MRPS28: variants seen among roughly 807,000 people sequenced by gnomAD.
The protein encoded by MRPS28 is mitochondrial ribosomal protein S28.
MRPS28 carries 7 observed loss-of-function variants against 10.8 expected under a neutral mutation model. The ratio of observed to expected loss-of-function variants is 0.65; its 90% CI spans 0.37 to 1.22. The LOEUF (loss-of-function observed/expected upper bound fraction) is 1.22. Among genes scored for constraint, MRPS28 ranks in the 50% most tolerant of loss-of-function variants. The probability of loss-of-function intolerance (pLI) is 0.02; values close to 1 mark genes in which losing one functional copy is unlikely to be tolerated. For synonymous variants in MRPS28, 121 were observed against 93.3 expected (o/e 1.30, Z -1.71); for missense variants, 265 against 232.9 (o/e 1.14, Z -0.90).
intron 2 of MRPS28, among the ~76,000 whole-genome samples, chr8:79,945,656 T>C (rs1040866001): frequency 1.2e-4 from 18 of 152,174 alleles, no homozygotes; most frequent in African/African-American, 4.3e-4. Flanking sequence ...TTTACCACAA[T>C]AAAAACAATA....
chr8:80,003,236 AG>A, intron 1 of MRPS28, 56 bp from the exon 2 acceptor site: 1 of 1,246,356 alleles, frequency 8.0e-7, no homozygotes. Flanking sequence ...GGTATAATAA[AG>A]TCTTAAAGAA....
chr8:80,008,676 T>C (rs1281039130), intron 1 of MRPS28, among the ~76,000 whole-genome samples: 1 of 152,146 alleles, frequency 6.6e-6, no homozygotes, highest in African/African-American at 2.4e-5. Context: ...TGAAAAAATG[T>C]TCACCATCAC....
intron 2 of MRPS28, among the ~76,000 whole-genome samples, chr8:79,964,219 G>C (rs1807447023): frequency 1.3e-5 from 2 of 152,108 alleles, no homozygotes; most frequent in African/African-American, 4.8e-5. Context: ...GCATCAGCAA[G>C]GGTGGGCAGT....
chr8:79,956,475 A>G (rs1324685518), intron 2 of MRPS28: 2 of 152,196 alleles, frequency 1.3e-5, no homozygotes, highest in Non-Finnish European at 2.9e-5. Context: ...TATAATTTAA[A>G]TACTTTTTTT....
At chr8:79,992,148 G>A (rs755489488) in intron 2 of MRPS28, among the ~76,000 whole-genome samples, 4 of 152,132 alleles carry the variant, frequency 2.6e-5, no homozygotes, top group African/African-American at 4.8e-5. Flanking sequence ...TTACAGCCCT[G>A]GCTAATATCT....
At chr8:80,010,183 T>TGCC (rs1283856363) in intron 1 of MRPS28, among the ~76,000 whole-genome samples, 1 of 152,206 alleles carries the variant, frequency 6.6e-6, no homozygotes, top group Non-Finnish European at 1.5e-5. Context: ...CACAGATTTG[T>TGCC]GCCTTCTACT....
chr8:79,942,507 GCAATA>G (rs1264882028), intron 2 of MRPS28, among the ~76,000 whole-genome samples: 3 of 151,996 alleles, frequency 2.0e-5, no homozygotes, highest in African/African-American at 7.2e-5. Context: ...CCAACTTCAG[GCAATA>G]TTTGTATCCA....
At chr8:79,932,618 C>T (rs369336408) in intron 2 of MRPS28, among the ~76,000 whole-genome samples, 8 of 152,166 alleles carry the variant, frequency 5.3e-5, no homozygotes, top group East Asian at 1.9e-4. Flanking sequence ...AGTGAATGAT[C>T]GAATTTCTGT....
At chr8:79,919,242 G>C (rs1221370790) in intron 2 of MRPS28, 94 bp from the exon 3 acceptor site, 5 of 982,856 alleles carry the variant, frequency 5.1e-6, no homozygotes, top group Middle Eastern at 3.5e-4. Context: ...ATTTTAATTT[G>C]TGTTAGCTCA....
intron 2 of MRPS28, among the ~76,000 whole-genome samples, chr8:79,930,236 C>T (rs1426973133): frequency 6.6e-6 from 1 of 152,172 alleles, no homozygotes; most frequent in East Asian, 1.9e-4. Context: ...AACTAGGCAA[C>T]ACAGGTATTT....
chr8:80,000,476 C>T (rs1808632015), intron 2 of MRPS28, among the ~76,000 whole-genome samples: 1 of 152,166 alleles, frequency 6.6e-6, no homozygotes, highest in Non-Finnish European at 1.5e-5. Context: ...GCCACCCCGT[C>T]TCCCCTCAAA....
chr8:80,002,978 CT>C lies in MRPS28; in HGVS notation c.395+20del. The C allele has an allele frequency of 6.5e-7, 1 of 1,527,814 alleles. No homozygotes were observed. The highest frequency in any genetic ancestry group is 8.8e-7 in the Non-Finnish European group (1 of 1,140,398). 94.6% of individuals were successfully genotyped at this position (1,527,814 alleles called of 1,614,324 possible). A position where few individuals can be genotyped will look rare whatever the true frequency, so the allele number is the denominator to read the frequency against. Reference sequence around the variant, plus strand: ...AACTTTTATGAATACTCTTAAGGTACTTGGAAATGATTTTACTTACTCTCCA... The same window carrying C: ...AACTTTTATGAATACTCTTAAGGTACTGGAAATGATTTTACTTACTCTCCA... On this transcript the variant is annotated intron_variant, in intron 2 of 2. Transcript: ENST00000276585.
At chr8:79,982,953 G>A (rs1199181555) in intron 2 of MRPS28, among the ~76,000 whole-genome samples, 6 of 112,040 alleles carry the variant, frequency 5.4e-5, no homozygotes, top group Admixed American at 3.6e-4. Flanking sequence ...AGAACAGGCA[G>A]ACTGCCTCCT....
At chr8:79,927,284 C>T (rs1810254731) in intron 2 of MRPS28, among the ~76,000 whole-genome samples, 1 of 152,226 alleles carries the variant, frequency 6.6e-6, no homozygotes, top group Admixed American at 6.5e-5. Flanking sequence ...AAATCACTAG[C>T]ACAATGCTCG....
At chr8:79,972,529 T>C (rs1246797892) in intron 2 of MRPS28, among the ~76,000 whole-genome samples, 3 of 152,232 alleles carry the variant, frequency 2.0e-5, no homozygotes, top group Non-Finnish European at 2.9e-5. Flanking sequence ...CTGCATCATA[T>C]AGTAACTCTG....
chr8:79,925,491 G>C (rs898471183), intron 2 of MRPS28, among the ~76,000 whole-genome samples: 2 of 152,168 alleles, frequency 1.3e-5, no homozygotes, highest in South Asian at 4.1e-4. Context: ...TGCCGGGCTA[G>C]TATTTTGTGC....
chr8:79,949,274 C>T (rs1213814249), intron 2 of MRPS28, among the ~76,000 whole-genome samples: 2 of 151,954 alleles, frequency 1.3e-5, no homozygotes, highest in South Asian at 2.1e-4. Flanking sequence ...ATTAGCCAGG[C>T]GCTGTGGTAG....
At chr8:79,940,776 T>C (rs1806744472) in intron 2 of MRPS28, among the ~76,000 whole-genome samples, 1 of 152,110 alleles carries the variant, frequency 6.6e-6, no homozygotes, top group Non-Finnish European at 1.5e-5. Context: ...GACAAGGAGG[T>C]GTATTGTACT....
In MRPS28 at chr8:79,964,299, C is replaced by T. The variant is rs920597856; in HGVS notation, c.395+38700G>A. On this transcript the variant is annotated intron_variant, in intron 2 of 2. Coordinates refer to ENST00000276585, the MANE Select transcript of MRPS28 (RefSeq NM_014018.3). ...ACATACACATCTCTCTTTAGGCCCA[C>T]TTCCCAAAGTAGTGGGGTATAACAA... Among the ~76,000 whole-genome samples, 5 of 152,080 alleles carry T rather than the reference C, an allele frequency of 3.3e-5. No homozygotes were observed. The East Asian group carries it at 9.6e-4, about 29-fold the overall frequency.
Sources: allele counts gnomAD v4.1 joint callset (sites outside exome capture counted in the v4.1 genomes callset), GRCh38; gene constraint gnomAD v4.1.1; transcripts MANE v1.5; gene names NCBI Gene and HGNC (gene_info 2026-07-23, HGNC 2026-07-21).